RGS6: variants seen among roughly 807,000 people sequenced by gnomAD.
RGS6 encodes the protein regulator of G protein signaling 6, also known as regulator of G-protein signaling 6.
A neutral mutation model predicts 78.5 loss-of-function variants in RGS6; 30 were observed. The observed-to-expected ratio is 0.38, with a 90% CI of 0.29 to 0.52. The LOEUF (loss-of-function observed/expected upper bound fraction) is 0.52. RGS6 is among the 20% of genes least tolerant of loss of function. RGS6 has a pLI of 0.85. For missense variants in RGS6, 495 were observed against 609.7 expected (o/e 0.81, Z 1.98); for synonymous variants, 206 against 206.0 (o/e 1.00, Z 0.00).
At chr14:72,571,772 A>T in the RGS6 span, among the ~76,000 whole-genome samples, 4 of 151,580 alleles carry the variant, frequency 2.6e-5, no homozygotes, top group African/African-American at 9.8e-5. Flanking sequence ...TCTTAGGTAA[A>T]ACACTAAAAA....
chr14:72,044,316 A>T lies in RGS6; in HGVS notation c.84+79441A>T, dbSNP rs149913394. On this transcript the variant is annotated intron_variant, in intron 2 of 17. Transcript: ENST00000553525. ...AGCTAGAAAAGCATTATTTTTGGGTATGTCTATGAGGGTGTTTCTGGAAGA... is the reference window on the plus strand; with the variant it reads ...AGCTAGAAAAGCATTATTTTTGGGTTTGTCTATGAGGGTGTTTCTGGAAGA... Among the ~76,000 whole-genome samples the T allele has an allele frequency of 7.2e-5, 11 of 152,262 alleles. No homozygotes were observed. The East Asian group carries it at 2.1e-3, about 29-fold the overall frequency.
intron 2 of RGS6, among the ~76,000 whole-genome samples, chr14:72,202,708 G>A (rs930189358): frequency 2.5e-4 from 38 of 151,958 alleles, no homozygotes; most frequent in African/African-American, 8.5e-4. Context: ...TACAAGGACT[G>A]GAGATGCAAA....
intron 2 of RGS6, among the ~76,000 whole-genome samples, chr14:72,175,206 G>A (rs1016362884): frequency 2.0e-5 from 3 of 152,036 alleles, no homozygotes; most frequent in Non-Finnish European, 4.4e-5. Flanking sequence ...TCAGAACCCT[G>A]GATAATTCTC....
chr14:72,132,173 C>T (rs1369262361), intron 2 of RGS6, among the ~76,000 whole-genome samples: 1 of 152,108 alleles, frequency 6.6e-6, no homozygotes, highest in African/African-American at 2.4e-5. Flanking sequence ...ATTTCCTTAT[C>T]CAATCATTTA....
At chr14:71,901,679 T>C in the RGS6 span, among the ~76,000 whole-genome samples, 1 of 152,366 alleles carries the variant, frequency 6.6e-6, no homozygotes, top group South Asian at 2.1e-4. Flanking sequence ...CTGTTTCCTT[T>C]GGTCAATCCC....
At chr14:72,582,699 C>A in the RGS6 span, among the ~76,000 whole-genome samples, 1 of 152,194 alleles carries the variant, frequency 6.6e-6, no homozygotes, top group South Asian at 2.1e-4. Flanking sequence ...ACCCAAAGGA[C>A]AACATCTGTT....
At chr14:72,217,317 A>G (rs1186554790) in intron 2 of RGS6, among the ~76,000 whole-genome samples, 1 of 152,216 alleles carries the variant, frequency 6.6e-6, no homozygotes, top group Non-Finnish European at 1.5e-5. Flanking sequence ...GCATTTAGCC[A>G]TTACAACCTC....
intron 15 of RGS6, among the ~76,000 whole-genome samples, chr14:72,532,157 G>A (rs2097190389): frequency 6.6e-6 from 1 of 152,176 alleles, no homozygotes; most frequent in South Asian, 2.1e-4. Flanking sequence ...TTTTCCAATA[G>A]CATGTGCTTA....
At chr14:72,304,250 T>TG (rs1210353066) in intron 2 of RGS6, among the ~76,000 whole-genome samples, 7 of 152,188 alleles carry the variant, frequency 4.6e-5, no homozygotes, top group Admixed American at 1.3e-4. Context: ...TTAAGTGGTG[T>TG]GGGGTGTTGT....
the RGS6 span, among the ~76,000 whole-genome samples, chr14:71,883,047 T>C: frequency 1.3e-5 from 2 of 152,242 alleles, no homozygotes; most frequent in African/African-American, 2.4e-5. Context: ...GTTTCCTTTT[T>C]CAGGGGCATT....
chr14:72,315,443 C>T (rs370984065), intron 2 of RGS6, among the ~76,000 whole-genome samples: 1 of 152,142 alleles, frequency 6.6e-6, no homozygotes. Flanking sequence ...AGTCAGTAGT[C>T]GAAACATTGA....
intron 3 of RGS6, among the ~76,000 whole-genome samples, chr14:72,409,573 T>C (rs2093233818): frequency 6.6e-6 from 1 of 152,040 alleles, no homozygotes; most frequent in Non-Finnish European, 1.5e-5. Context: ...TTAATTTTAT[T>C]ATTATTATAC....
At chr14:72,061,519 A>G (rs189354264) in intron 2 of RGS6, among the ~76,000 whole-genome samples, 19 of 152,298 alleles carry the variant, frequency 1.2e-4, no homozygotes, top group Non-Finnish European at 2.2e-4. Context: ...TTATAGCATA[A>G]TATTGAGATT....
At chr14:72,178,399 G>A (rs1426218421) in intron 2 of RGS6, among the ~76,000 whole-genome samples, 1 of 152,138 alleles carries the variant, frequency 6.6e-6, no homozygotes, top group Non-Finnish European at 1.5e-5. Context: ...ATTACCAGAG[G>A]CCAGTCTTTC....
intron 2 of RGS6, among the ~76,000 whole-genome samples, chr14:72,196,323 T>C (rs549111282): frequency 6.6e-6 from 1 of 152,262 alleles, no homozygotes; most frequent in South Asian, 2.1e-4. Flanking sequence ...GGATTAATTA[T>C]TAAGAAACAG....
intron 17 of RGS6, chr14:72,541,679 G>A (rs1350005146): frequency 6.6e-6 from 10 of 1,505,874 alleles, no homozygotes; most frequent in African/African-American, 4.2e-5. Flanking sequence ...CTGTGCGGGT[G>A]GAGGATGGTT....
chr14:72,541,593 C>A (rs1260548444), intron 17 of RGS6: 4 of 1,535,686 alleles, frequency 2.6e-6, no homozygotes, highest in Non-Finnish European at 3.5e-6. Flanking sequence ...TCTGGGACTT[C>A]CTTCACTCCA....
At chr14:72,368,571 A>G (rs1047222669) in intron 3 of RGS6, among the ~76,000 whole-genome samples, 5 of 152,104 alleles carry the variant, frequency 3.3e-5, no homozygotes, top group African/African-American at 1.2e-4. Flanking sequence ...GACAACTTTG[A>G]CCTTTAGAAA....
chr14:72,264,963 C>T (rs1243456428), intron 2 of RGS6, among the ~76,000 whole-genome samples: 2 of 152,154 alleles, frequency 1.3e-5, no homozygotes, highest in Non-Finnish European at 2.9e-5. Context: ...TGATGTACCT[C>T]TCCCTGATGC....
Sources: allele counts gnomAD v4.1 joint callset (sites outside exome capture counted in the v4.1 genomes callset), GRCh38; gene constraint gnomAD v4.1.1; transcripts MANE v1.5; gene names NCBI Gene and HGNC (gene_info 2026-07-23, HGNC 2026-07-21).